The following CHL1 variants were observed in gnomAD, a reference collection of about 807,000 sequenced individuals.
The protein encoded by CHL1 is neural cell adhesion molecule L1-like protein.
CHL1 carries 96 observed loss-of-function variants against 141.9 expected under a neutral mutation model. The ratio of observed to expected loss-of-function variants is 0.68; its 90% CI spans 0.57 to 0.80. The LOEUF (loss-of-function observed/expected upper bound fraction) is 0.80. Ranked by LOEUF, CHL1 falls within the 30% of genes least tolerant of loss-of-function variation. The probability of loss-of-function intolerance (pLI) is 0.00; values close to 1 mark genes in which losing one functional copy is unlikely to be tolerated. For missense variants in CHL1, 1,820 were observed against 1,457.2 expected (o/e 1.25, Z -4.05); for synonymous variants, 613 against 502.2 (o/e 1.22, Z -2.95).
rs769610293 is a variant in CHL1, at chr3:392,744, C to T, written c.2914+947C>T. On this transcript the variant is annotated intron_variant, in intron 23 of 27. Coordinates refer to ENST00000256509, the MANE Select transcript of CHL1 (RefSeq NM_006614.4). ...TCAAGACTTCCAGCAATCCAGGTCACGTATTTGCTTTAGTTTCTGATGGTT... is the reference window on the plus strand; with the variant it reads ...TCAAGACTTCCAGCAATCCAGGTCATGTATTTGCTTTAGTTTCTGATGGTT... 3.3e-5 allele frequency among the ~76,000 whole-genome samples: 5 copies of T among 152,166 alleles called. No individual in the cohort carries two copies. The East Asian group carries it at 5.8e-4, about 18-fold the overall frequency.
At chr3:273,687 C>G (rs1204225406) in intron 2 of CHL1, among the ~76,000 whole-genome samples, 1 of 152,060 alleles carries the variant, frequency 6.6e-6, no homozygotes, top group Non-Finnish European at 1.5e-5. Context: ...ATCATAATGA[C>G]TTCTTTTAAA....
intron 1 of CHL1, among the ~76,000 whole-genome samples, chr3:231,575 C>CTTTTTTTTTTTTT (rs5845954): frequency 9.9e-6 from 1 of 100,564 alleles, no homozygotes; most frequent in East Asian, 2.9e-4. Context: ...TTATTTCTTC[C>CTTTTTTTTTTTTT]TTTTTTTTTT....
chr3:247,419 A>T (rs2125122406), intron 2 of CHL1: 1 of 152,170 alleles, frequency 6.6e-6, no homozygotes, highest in South Asian at 2.1e-4. Context: ...TCATGAACAC[A>T]TCTTTGAGAG....
chr3:223,151 GTTA>G, intron 1 of CHL1, among the ~76,000 whole-genome samples: 1 of 152,180 alleles, frequency 6.6e-6, no homozygotes, highest in East Asian at 1.9e-4. Flanking sequence ...CATCTTTGGG[GTTA>G]TTATTTTAAT....
chr3:349,092 T>G (rs971217562), intron 9 of CHL1, among the ~76,000 whole-genome samples: 2 of 152,180 alleles, frequency 1.3e-5, no homozygotes, highest in African/African-American at 4.8e-5. Context: ...AGCACTTACA[T>G]GTAGTTAGCC....
intron 2 of CHL1, among the ~76,000 whole-genome samples, chr3:272,838 C>A (rs1406564622): frequency 1.3e-5 from 2 of 152,140 alleles, no homozygotes; most frequent in East Asian, 3.8e-4. Context: ...CCATATTTGC[C>A]AGGCATTTGG....
At chr3:372,752 C>T (rs1236539778) in intron 15 of CHL1, among the ~76,000 whole-genome samples, 1 of 151,232 alleles carries the variant, frequency 6.6e-6, no homozygotes, top group Non-Finnish European at 1.5e-5. Context: ...ATCTTTGAGG[C>T]TGCTGACACT....
chr3:348,806 T>A (rs1362063845), intron 9 of CHL1, among the ~76,000 whole-genome samples: 1 of 152,210 alleles, frequency 6.6e-6, no homozygotes, highest in Non-Finnish European at 1.5e-5. Context: ...GATTCCAGCT[T>A]GCCCTGGAAT....
chr3:324,940 A>G (rs1367295703), intron 3 of CHL1, among the ~76,000 whole-genome samples: 1 of 152,020 alleles, frequency 6.6e-6, no homozygotes, highest in Non-Finnish European at 1.5e-5. Flanking sequence ...CTTATCAAAC[A>G]CTAACAGAGT....
intron 1 of CHL1, among the ~76,000 whole-genome samples, chr3:223,632 C>A (rs1214319228): frequency 6.6e-6 from 1 of 152,206 alleles, no homozygotes; most frequent in Non-Finnish European, 1.5e-5. Flanking sequence ...TTCTTGCCCA[C>A]TGCATGGATA....
At chr3:207,545 T>C (rs1575600494) in intron 1 of CHL1, among the ~76,000 whole-genome samples, 1 of 152,210 alleles carries the variant, frequency 6.6e-6, no homozygotes, top group Admixed American at 6.5e-5. Flanking sequence ...GGCAAAAAAC[T>C]GAAAACACTG....
chr3:343,637 G>C (rs1449022955), intron 8 of CHL1, among the ~76,000 whole-genome samples: 1 of 152,186 alleles, frequency 6.6e-6, no homozygotes, highest in African/African-American at 2.4e-5. Flanking sequence ...ATAATGAGAA[G>C]AGTCAGTTAC....
intron 4 of CHL1, 151 bp downstream of exon 4, chr3:326,215 A>T (rs9843977): frequency 0.086 from 42,110 of 492,440 alleles, 2,925 homozygotes; most frequent in African/African-American, 0.25. Context: ...CAAACAAAAA[A>T]AAAATTTGGT....
chr3:340,834 A>C lies in CHL1; in HGVS notation c.426A>C (p.Glu142Asp). Residue 142 changes from glutamate to aspartate, a missense_variant, in exon 6 of 28, where the codon GAA becomes GAC. Glu to Asp is a conservative substitution (Grantham distance 45, BLOSUM62 2). Transcript: ENST00000256509. The part of the protein sequence containing the change: ...KFPKEKIDPL[E>D]VEEGDPIVLP... ...CAAAAGAAAAAATTGACCCTCTTGA[A>C]GTGGAGGAGGGAGATCCAATTGTCC... The C allele has an allele frequency of 6.2e-7, 1 of 1,612,408 alleles. No homozygotes were observed. Among genetic ancestry groups the C allele is most frequent in the Non-Finnish European group, 8.5e-7 (1 of 1,178,680 alleles).
chr3:234,595 C>T (rs384131), intron 1 of CHL1, among the ~76,000 whole-genome samples: 145,574 of 152,170 alleles, frequency 0.96, 69,715 homozygotes, highest in East Asian at 1. Context: ...GAGGACGGGA[C>T]TCTGAAGCCC....
rs1324101795 is a variant in CHL1 at position 398,386 on chromosome 3, G to T, written c.3253+1G>T. ...GATGTAATTGAGACAAGAGGGAGAG[G>T]TGAGAAATGAGATTATATTTGGGGA... On this transcript the variant is annotated splice_donor_variant, in intron 25 of 27. Coordinates refer to ENST00000256509, the MANE Select transcript of CHL1 (RefSeq NM_006614.4). LOFTEE classifies it high-confidence loss of function. 1 of 1,589,116 alleles carries T rather than the reference G, an allele frequency of 6.3e-7. No individual in the cohort carries two copies. The highest frequency in any genetic ancestry group is 8.6e-7 in the Non-Finnish European group (1 of 1,158,366).
At position 391,177 on chromosome 3, in the gene CHL1, TAG is replaced by T. The variant is rs538907457; in HGVS notation, c.2791+21_2791+22del. 328 of 1,569,288 alleles carry T rather than the reference TAG, an allele frequency of 2.1e-4. 1 individual carries two copies. The South Asian group carries it at 3.5e-3, about 17-fold the overall frequency. On this transcript the variant is annotated intron_variant, in intron 22 of 27. Transcript: ENST00000256509. ...AGAAGGAGGTGAGAGGATAATGATG[TAG>T]AGTCATGTCAAAAATGGAGGTGATC...
At chr3:399,565 G>T (rs546692882) in intron 26 of CHL1, among the ~76,000 whole-genome samples, 2 of 152,056 alleles carry the variant, frequency 1.3e-5, no homozygotes, top group Admixed American at 6.6e-5. Flanking sequence ...ACTTGAACCC[G>T]GGAGGTGGAG....
intron 1 of CHL1, among the ~76,000 whole-genome samples, chr3:200,701 T>C (rs1339917767): frequency 6.6e-6 from 1 of 152,192 alleles, no homozygotes; most frequent in Non-Finnish European, 1.5e-5. Flanking sequence ...TATGTCTATC[T>C]ACAAGTAGAA....
Sources: gnomAD v4.1 joint callset for allele counts (sites outside exome capture counted in the v4.1 genomes callset) on GRCh38, gnomAD v4.1.1 for gene constraint, MANE v1.5 for transcripts, NCBI Gene and HGNC (gene_info 2026-07-23, HGNC 2026-07-21) for gene names.